The following CCDC181 variants were observed in gnomAD, a reference collection of about 807,000 sequenced individuals.
CCDC181 encodes coiled-coil domain-containing protein 181.
A neutral mutation model predicts 58.7 loss-of-function variants in CCDC181; 35 were observed. The observed-to-expected ratio is 0.60, with a 90% confidence interval of 0.46 to 0.79. The LOEUF is 0.79. CCDC181 is among the 30% of genes least tolerant of loss of function. The pLI, the probability that CCDC181 is intolerant of heterozygous loss-of-function variation, is 0.00. For synonymous variants in CCDC181, 183 were observed against 197.5 expected (o/e 0.93, Z 0.62); for missense variants, 517 against 583.9 (o/e 0.89, Z 1.18).
intron 4 of CCDC181, among the ~76,000 whole-genome samples, chr1:169,409,651 T>A (rs1014927928): frequency 6.6e-6 from 1 of 152,044 alleles, no homozygotes; most frequent in African/African-American, 2.4e-5. Context: ...AAAGGTCGGG[T>A]TACTTATAAA....
chr1:169,406,473 A>C (rs1460460899), intron 4 of CCDC181, among the ~76,000 whole-genome samples: 1 of 152,222 alleles, frequency 6.6e-6, no homozygotes, highest in Admixed American at 6.5e-5. Flanking sequence ...AGCCATAAAA[A>C]AGGATGAGTT....
intron 2 of CCDC181, among the ~76,000 whole-genome samples, chr1:169,437,430 A>T (rs1657088395): frequency 6.6e-6 from 1 of 152,196 alleles, no homozygotes; most frequent in Admixed American, 6.6e-5. Flanking sequence ...TAAACTATAA[A>T]CTAAGTTCCT....
chr1:169,400,365 A>G (rs912199228), intron 4 of CCDC181, among the ~76,000 whole-genome samples: 2 of 152,202 alleles, frequency 1.3e-5, no homozygotes, highest in Non-Finnish European at 2.9e-5. Flanking sequence ...AAAAAATTCA[A>G]TACCCTTTAA....
Position 169,397,328 on chromosome 1 carries a change from T to C in CCDC181, c.1279A>G (p.Met427Val). 6 of 1,612,486 alleles carry C rather than the reference T, an allele frequency of 3.7e-6. No individual in the cohort carries two copies. In the East Asian group the frequency reaches 1.3e-4, roughly 36 times the overall value. ...AGTTCTTCTGTCTGTCTTTCTTTCA[T>C]CTGCTCTTCGTGCTTTTTTTTAAGC... ...LWLKKKHEEQ[M>V]KERQTEELRK... Residue 427 changes from methionine (M) to valine (V), a missense_variant, in exon 5 of 6, where the codon ATG becomes GTG. By Grantham distance (21) the Met-to-Val change is conservative. Coordinates refer to ENST00000367806, the MANE Select transcript of CCDC181 (RefSeq NM_001300969.2).
chr1:169,457,902 C>T (rs1045884935), intron 2 of CCDC181, among the ~76,000 whole-genome samples: 1 of 152,076 alleles, frequency 6.6e-6, no homozygotes, highest in Non-Finnish European at 1.5e-5. Context: ...ATTTGCTAGA[C>T]TTTTATGATA....
intron 2 of CCDC181, chr1:169,459,763 C>A (rs1448676010): frequency 6.6e-6 from 1 of 151,930 alleles, no homozygotes; most frequent in Non-Finnish European, 1.5e-5. Context: ...TAGCTGTTTT[C>A]TCCAAGTGCT....
At chr1:169,410,962 A>G (rs1655931772) in intron 4 of CCDC181, among the ~76,000 whole-genome samples, 1 of 152,230 alleles carries the variant, frequency 6.6e-6, no homozygotes, top group Non-Finnish European at 1.5e-5. Flanking sequence ...TCAACATTTT[A>G]ACATCGCAAT....
rs1208136153 is a variant in CCDC181, at chr1:169,419,102, A to G, written c.1126T>C (p.Phe376Leu). The change falls in exon 4 of 6, where the codon TTT becomes CTT. Residue 376 changes from phenylalanine (F) to leucine (L), a missense_variant. By Grantham distance (22) the Phe-to-Leu change is conservative. Coordinates refer to ENST00000367806, the MANE Select transcript of CCDC181 (RefSeq NM_001300969.2). ...CTTTTCTTTTGCAACCACGCTTTAA[A>G]TACTATGTCATTCTCTCTCTTTTTT... ...KEKKRENDIVFKAWLQKKREQ... is the reference protein window; with the variant it reads ...KEKKRENDIVLKAWLQKKREQ... 6.2e-7 allele frequency: 1 copy of G among 1,613,090 alleles called. No homozygotes were observed. Among genetic ancestry groups the G allele is most frequent in the East Asian group, 2.2e-5 (1 of 44,850 alleles).
At chr1:169,441,858 C>T (rs531538821) in intron 2 of CCDC181, among the ~76,000 whole-genome samples, 4 of 152,126 alleles carry the variant, frequency 2.6e-5, no homozygotes, top group African/African-American at 7.2e-5. Flanking sequence ...TGCCATGTGT[C>T]TTCCCTCTCC....
At chr1:169,413,403 C>A (rs1656065488) in intron 4 of CCDC181, among the ~76,000 whole-genome samples, 1 of 152,118 alleles carries the variant, frequency 6.6e-6, no homozygotes, top group African/African-American at 2.4e-5. Flanking sequence ...AATAGGAATT[C>A]TTTTACAGTG....
chr1:169,433,345 C>T (rs1656969313), intron 2 of CCDC181, among the ~76,000 whole-genome samples: 1 of 151,762 alleles, frequency 6.6e-6, no homozygotes, highest in African/African-American at 2.4e-5. Flanking sequence ...GATTGGAGGA[C>T]AATATTATTA....
chr1:169,439,292 C>T (rs912750632), intron 2 of CCDC181, among the ~76,000 whole-genome samples: 2 of 152,102 alleles, frequency 1.3e-5, no homozygotes, highest in Admixed American at 6.5e-5. Context: ...CAGACAGACA[C>T]CCTACCATAC....
chr1:169,403,274 A>C (rs1397851682), intron 4 of CCDC181, among the ~76,000 whole-genome samples: 1 of 152,238 alleles, frequency 6.6e-6, no homozygotes, highest in Non-Finnish European at 1.5e-5. Flanking sequence ...ATTAACAAGG[A>C]TATCAAGGAA....
intron 4 of CCDC181, among the ~76,000 whole-genome samples, chr1:169,408,219 C>T (rs967771314): frequency 8.5e-5 from 13 of 152,180 alleles, no homozygotes; most frequent in Admixed American, 4.6e-4. Flanking sequence ...CTGGGACGCT[C>T]GAGCTTCTTG....
At chr1:169,430,592 T>C (rs1372202455), upstream of CCDC181, among the ~76,000 whole-genome samples, 4 of 152,028 alleles carry the variant, frequency 2.6e-5, no homozygotes, top group Admixed American at 6.5e-5. Flanking sequence ...CTCATCTTGG[T>C]TGATGTTGGT....
intron 2 of CCDC181, among the ~76,000 whole-genome samples, chr1:169,439,856 C>A (rs1657162151): frequency 1.3e-5 from 2 of 152,094 alleles, no homozygotes; most frequent in Non-Finnish European, 2.9e-5. Context: ...CCCTGAAGTT[C>A]AGCCATCCCA....
At chr1:169,435,042 G>C (rs1657017449) in intron 2 of CCDC181, among the ~76,000 whole-genome samples, 1 of 152,078 alleles carries the variant, frequency 6.6e-6, no homozygotes, top group Admixed American at 6.5e-5. Flanking sequence ...ATAGCAGTGT[G>C]AATGTGTTTA....
chr1:169,446,603 A>G (rs1027231073), intron 2 of CCDC181, among the ~76,000 whole-genome samples: 14 of 152,222 alleles, frequency 9.2e-5, no homozygotes, highest in African/African-American at 3.1e-4. Context: ...ATGCAGGTCA[A>G]AAATGTTTGA....
At chr1:169,420,137 A>G (rs1411175150) in intron 3 of CCDC181, among the ~76,000 whole-genome samples, 3 of 152,152 alleles carry the variant, frequency 2.0e-5, no homozygotes, top group Admixed American at 6.5e-5. Flanking sequence ...ATATAAAATC[A>G]CCTGTATAAC....
Sources: allele counts gnomAD v4.1 joint callset (sites outside exome capture counted in the v4.1 genomes callset), GRCh38; gene constraint gnomAD v4.1.1; transcripts MANE v1.5; gene names NCBI Gene and HGNC (gene_info 2026-07-23, HGNC 2026-07-21).